Variants in HECW2 observed in about 807,000 individuals in gnomAD.
HECW2 encodes E3 ubiquitin-protein ligase HECW2.
Under a neutral mutation model 175.2 loss-of-function variants are expected in HECW2, and 61 were observed. The ratio of observed to expected loss-of-function variants is 0.35; its 90% CI spans 0.28 to 0.43. HECW2 has a LOEUF of 0.43. Among genes scored for constraint, HECW2 ranks in the 20% least tolerant of loss-of-function variants. The pLI is 1.00. For synonymous variants in HECW2, 671 were observed against 731.0 expected, an observed-to-expected ratio of 0.92 and a Z score of 1.32; for missense variants, 1,524 against 2,000.5, an observed-to-expected ratio of 0.76 and a Z score of 4.54.
intron 2 of HECW2, among the ~76,000 whole-genome samples, chr2:196,411,165 A>AT (rs1385081344): frequency 2.6e-5 from 4 of 151,978 alleles, no homozygotes; most frequent in South Asian, 2.1e-4. Context: ...TATATGGCTA[A>AT]TTTTTTTTAT....
chr2:196,528,409 C>T (rs1187155694), intron 1 of HECW2, among the ~76,000 whole-genome samples: 2 of 152,176 alleles, frequency 1.3e-5, no homozygotes. Context: ...ATTCTGTTCT[C>T]CACATAAGAG....
intron 2 of HECW2, among the ~76,000 whole-genome samples, chr2:196,364,787 G>A (rs142611635): frequency 1.3e-5 from 2 of 152,134 alleles, no homozygotes; most frequent in Non-Finnish European, 1.5e-5. Context: ...TATGACACAT[G>A]CTACAAAGGA....
chr2:196,529,442 C>T (rs536491590), intron 1 of HECW2, among the ~76,000 whole-genome samples: 1 of 152,204 alleles, frequency 6.6e-6, no homozygotes, highest in Admixed American at 6.5e-5. Flanking sequence ...TTTGTGATCT[C>T]GGGCAAGTCA....
intron 1 of HECW2, among the ~76,000 whole-genome samples, chr2:196,553,854 C>T (rs537320441): frequency 6.6e-6 from 1 of 152,262 alleles, no homozygotes; most frequent in South Asian, 2.1e-4. Flanking sequence ...ATATCCAATC[C>T]ACACAAGCCT....
rs778348267 is a variant in HECW2 at position 196,319,589 on chromosome 2, G to A, written c.1301C>T (p.Ala434Val). Reference sequence around the variant, plus strand: ...ACCCATGGACCTCTCAGAGCAGGTCGCTGTCCCCGGCCTGGAGTGGCCATT... The same window carrying A: ...ACCCATGGACCTCTCAGAGCAGGTCACTGTCCCCGGCCTGGAGTGGCCATT... ...EHNGHSRPGT[A>V]TCSERSMGAS... is the part of the protein sequence containing the mutation. The change falls in exon 9 of 29, where the codon GCG becomes GTG. Residue 434 changes from alanine (A) to valine (V), a missense_variant. Around this residue, in one of 11 missense-constraint regions of HECW2, gnomAD observed 604 missense variants for 588.3 expected, o/e 1.03. Transcript: ENST00000644978. 19 of 1,614,088 alleles carry A rather than the reference G, an allele frequency of 1.2e-5. No individual in the cohort carries two copies. Among genetic ancestry groups the A allele is most frequent in the South Asian group, 3.3e-5 (3 of 91,088 alleles).
At chr2:196,266,593 C>T (rs1689527545) in intron 17 of HECW2, among the ~76,000 whole-genome samples, 3 of 152,086 alleles carry the variant, frequency 2.0e-5, no homozygotes, top group Non-Finnish European at 2.9e-5. Context: ...TAAATTCATG[C>T]TATTTTCACC....
chr2:196,341,025 A>G (rs1692731779), intron 3 of HECW2, among the ~76,000 whole-genome samples: 1 of 152,204 alleles, frequency 6.6e-6, no homozygotes, highest in Admixed American at 6.5e-5. Flanking sequence ...ATGTAGAGAA[A>G]TCAGTCAAGA....
intron 15 of HECW2, among the ~76,000 whole-genome samples, chr2:196,278,133 A>ATATATATATATATATATATATACAT (rs1553489735): frequency 3.0e-5 from 2 of 66,552 alleles, no homozygotes; most frequent in African/African-American, 8.2e-5. Context: ...ATAATTAAAA[A>ATATATATATATATATATATATACAT]ATATATATAT....
chr2:196,347,563 A>G (rs1038392225), intron 2 of HECW2, among the ~76,000 whole-genome samples: 1 of 152,202 alleles, frequency 6.6e-6, no homozygotes, highest in Non-Finnish European at 1.5e-5. Flanking sequence ...TTGAAGCCAA[A>G]TGGGTAAATT....
intron 5 of HECW2, among the ~76,000 whole-genome samples, chr2:196,328,323 A>G (rs1432079137): frequency 6.6e-6 from 1 of 152,180 alleles, no homozygotes; most frequent in African/African-American, 2.4e-5. Context: ...CTGCAAACCT[A>G]GATATTTTTT....
chr2:196,476,947 C>CAA (rs35714216), intron 1 of HECW2, among the ~76,000 whole-genome samples: 63 of 57,406 alleles, frequency 1.1e-3, no homozygotes, highest in African/African-American at 2.2e-3. Context: ...CCCATCTCCA[C>CAA]AAAAAAAAAA....
chr2:196,538,298 TTTAAAA>T (rs908898595), intron 1 of HECW2, among the ~76,000 whole-genome samples: 36 of 152,176 alleles, frequency 2.4e-4, no homozygotes, highest in African/African-American at 8.4e-4. Context: ...GGAGAGCTTG[TTTAAAA>T]TTAAGAACGC....
At chr2:196,355,325 A>C (rs35373662) in intron 2 of HECW2, among the ~76,000 whole-genome samples, 7,081 of 152,286 alleles carry the variant, frequency 0.046, 205 homozygotes, top group African/African-American at 0.059. Context: ...TTTATAATGA[A>C]AATGTAAACC....
intron 2 of HECW2, among the ~76,000 whole-genome samples, chr2:196,346,267 T>C (rs982185862): frequency 2.0e-5 from 3 of 152,216 alleles, no homozygotes; most frequent in Admixed American, 6.5e-5. Context: ...TCCAAACGCA[T>C]TTCTGACATG....
chr2:196,232,350 C>T (rs1047012416), intron 21 of HECW2, among the ~76,000 whole-genome samples: 2 of 152,172 alleles, frequency 1.3e-5, no homozygotes, highest in Non-Finnish European at 2.9e-5. Flanking sequence ...TATGTGCCTG[C>T]CTCCCCTATA....
chr2:196,340,511 G>C (rs922304534), intron 3 of HECW2, among the ~76,000 whole-genome samples: 1 of 146,108 alleles, frequency 6.8e-6, no homozygotes. Context: ...CAGGAGAATC[G>C]CTTGAACCCA....
intron 1 of HECW2, among the ~76,000 whole-genome samples, chr2:196,544,187 G>A (rs985922616): frequency 1.3e-4 from 20 of 152,316 alleles, no homozygotes; most frequent in South Asian, 1.0e-3. Context: ...GATCAAGACC[G>A]GAAGTATGGC....
At chr2:196,421,992 G>A (rs905572668) in intron 2 of HECW2, among the ~76,000 whole-genome samples, 5 of 152,142 alleles carry the variant, frequency 3.3e-5, no homozygotes, top group Admixed American at 2.0e-4. Context: ...AGGAAGATCC[G>A]TGATAGTCTG....
At chr2:196,384,089 A>T (rs1368891467) in intron 2 of HECW2, among the ~76,000 whole-genome samples, 1 of 152,188 alleles carries the variant, frequency 6.6e-6, no homozygotes, top group Admixed American at 6.5e-5. Flanking sequence ...TCTGTGTAAA[A>T]CCAAAAAGAA....
Sources: allele counts gnomAD v4.1 joint callset (sites outside exome capture counted in the v4.1 genomes callset), GRCh38; gene constraint gnomAD v4.1.1; regional missense constraint gnomAD v4.1.1; transcripts MANE v1.5; gene names NCBI Gene and HGNC (gene_info 2026-07-23, HGNC 2026-07-21).